BMPR1B: variants seen among roughly 807,000 people sequenced by gnomAD.
BMPR1B encodes bone morphogenetic protein receptor type 1B.
A neutral mutation model predicts 59.1 loss-of-function variants in BMPR1B; 12 were observed. The ratio of observed to expected loss-of-function variants is 0.20; its 90% CI spans 0.13 to 0.33. The LOEUF is 0.33. Ranked by LOEUF, BMPR1B falls within the 10% of genes least tolerant of loss-of-function variation. BMPR1B has a pLI of 1.00. For synonymous variants in BMPR1B, 237 were observed against 207.3 expected, an observed-to-expected ratio of 1.14 and a Z score of -1.23; for missense variants, 550 against 610.9, an observed-to-expected ratio of 0.90 and a Z score of 1.05.
Position 94,996,108 on chromosome 4 carries a change from A to G in BMPR1B, c.-44A>G, listed in dbSNP as rs1393704038. 6.6e-6 allele frequency: 1 copy of G among 152,272 alleles called. No homozygotes were observed. The highest frequency in any genetic ancestry group is 1.5e-5 in the Non-Finnish European group (1 of 68,056). The allele number at this position is 152,272 out of a possible 1,614,324, so 9.4% of individuals were successfully genotyped here. The stretch of plus-strand genomic sequence containing the variant: ...GACAAGAGAGGAAACAAAAAGTTAA[A>G]CAAGCAAGCCTGCCATAAGTGAGAA... On this transcript the variant is annotated 5_prime_UTR_variant, in exon 3 of 13. Transcript: ENST00000515059.
intron 1 of BMPR1B, among the ~76,000 whole-genome samples, chr4:94,812,971 A>G (rs553295490): frequency 1.0e-3 from 151 of 147,430 alleles, no homozygotes; most frequent in African/African-American, 3.7e-3. Context: ...TATTGTGACA[A>G]CATAAGGTGT....
chr4:95,064,615 A>G (rs1398973565), intron 3 of BMPR1B, among the ~76,000 whole-genome samples: 1 of 152,228 alleles, frequency 6.6e-6, no homozygotes, highest in Non-Finnish European at 1.5e-5. Context: ...ATGGAAGAAT[A>G]TATTTGCAAA....
intron 3 of BMPR1B, among the ~76,000 whole-genome samples, chr4:95,038,542 T>C (rs889247329): frequency 1.3e-5 from 2 of 152,166 alleles, no homozygotes; most frequent in Admixed American, 6.5e-5. Flanking sequence ...AAATCCTCTA[T>C]TGAAAAGGCA....
At chr4:95,075,244 CAG>C (rs1035837132) in intron 3 of BMPR1B, among the ~76,000 whole-genome samples, 15 of 152,136 alleles carry the variant, frequency 9.9e-5, no homozygotes, top group Non-Finnish European at 5.9e-5. Context: ...CTGTTCTTCT[CAG>C]AGTCTGTATA....
At chr4:95,074,513 TTTC>T (rs1728556271) in intron 3 of BMPR1B, among the ~76,000 whole-genome samples, 1 of 152,052 alleles carries the variant, frequency 6.6e-6, no homozygotes, top group South Asian at 2.1e-4. Flanking sequence ...CATTTTTAGT[TTTC>T]TTCTTCATTT....
chr4:94,815,988 G>C (rs1388861070), intron 1 of BMPR1B, among the ~76,000 whole-genome samples: 2 of 152,096 alleles, frequency 1.3e-5, no homozygotes, highest in African/African-American at 4.8e-5. Flanking sequence ...ATAGACTGTA[G>C]TCTATGTGAT....
chr4:95,003,086 T>C (rs1420488775), intron 3 of BMPR1B, among the ~76,000 whole-genome samples: 1 of 152,176 alleles, frequency 6.6e-6, no homozygotes, highest in African/African-American at 2.4e-5. Flanking sequence ...TTTTGTTTTA[T>C]GTGTTTTGAA....
At chr4:95,135,524 C>T (rs975388013) in intron 10 of BMPR1B, among the ~76,000 whole-genome samples, 1 of 152,200 alleles carries the variant, frequency 6.6e-6, no homozygotes, top group East Asian at 1.9e-4. Context: ...AGTTTGTGTC[C>T]TCTTTTATTT....
chr4:94,909,654 C>T (rs1728199913), intron 2 of BMPR1B, among the ~76,000 whole-genome samples: 1 of 152,058 alleles, frequency 6.6e-6, no homozygotes, highest in African/African-American at 2.4e-5. Flanking sequence ...CCCTCCTCCT[C>T]CCTCTTCCTG....
At chr4:94,907,233 A>G (rs918268263) in intron 2 of BMPR1B, among the ~76,000 whole-genome samples, 5 of 152,112 alleles carry the variant, frequency 3.3e-5, no homozygotes, top group Admixed American at 6.6e-5. Context: ...ATGAAGAGGC[A>G]TTGACTATAC....
In BMPR1B at chr4:94,807,099, A is replaced by G. The variant is rs1393342517; in HGVS notation, c.-183+49031A>G. On this transcript the variant is annotated intron_variant, in intron 1 of 12. Transcript: ENST00000515059. ...TTTTATTATAAATGCTTGTGTCCCA[A>G]TTATTCTTTTTTAGAGACAGAGTCT... Among the ~76,000 whole-genome samples, 7 of 152,204 alleles carry G rather than the reference A, an allele frequency of 4.6e-5. No homozygotes were observed. The East Asian group carries it at 1.2e-3, about 25-fold the overall frequency.
chr4:94,958,210 C>T (rs143671452), intron 2 of BMPR1B, among the ~76,000 whole-genome samples: 6 of 152,290 alleles, frequency 3.9e-5, no homozygotes, highest in African/African-American at 1.4e-4. Context: ...TACTTCATTT[C>T]TTTCCGTTTC....
At chr4:94,917,599 A>G (rs1477056355) in intron 2 of BMPR1B, among the ~76,000 whole-genome samples, 2 of 152,194 alleles carry the variant, frequency 1.3e-5, no homozygotes, top group African/African-American at 2.4e-5. Context: ...TGTTTACTCA[A>G]TGCCTGTATC....
chr4:94,802,658 CA>C (rs1396752539), intron 1 of BMPR1B, among the ~76,000 whole-genome samples: 2 of 152,010 alleles, frequency 1.3e-5, no homozygotes, highest in African/African-American at 4.8e-5. Flanking sequence ...CATGGGGTCA[CA>C]AAATTCACTT....
At chr4:94,838,077 A>T (rs1413732357) in intron 1 of BMPR1B, among the ~76,000 whole-genome samples, 2 of 144,658 alleles carry the variant, frequency 1.4e-5, no homozygotes, top group East Asian at 3.9e-4. Context: ...ATTTGCGTAT[A>T]TTGAACCAGT....
intron 1 of BMPR1B, among the ~76,000 whole-genome samples, chr4:94,760,695 G>A (rs566855892): frequency 6.6e-6 from 1 of 152,266 alleles, no homozygotes; most frequent in South Asian, 2.1e-4. Flanking sequence ...CTTGCTTGGC[G>A]CTTCCTTGTT....
chr4:94,905,753 A>G (rs896457038), intron 2 of BMPR1B, among the ~76,000 whole-genome samples: 1 of 152,002 alleles, frequency 6.6e-6, no homozygotes, highest in African/African-American at 2.4e-5. Context: ...ACTAGAGGCT[A>G]ACTTTATCAC....
intron 4 of BMPR1B, among the ~76,000 whole-genome samples, chr4:95,114,438 C>T (rs1282681266): frequency 6.6e-6 from 1 of 152,106 alleles, no homozygotes; most frequent in African/African-American, 2.4e-5. Flanking sequence ...TATGGTTTTT[C>T]ATGGTAATTA....
chr4:94,846,865 G>A, intron 1 of BMPR1B, among the ~76,000 whole-genome samples: 1 of 151,610 alleles, frequency 6.6e-6, no homozygotes. Context: ...AAACGTTGGG[G>A]AAACTCTCTA....
Sources: gnomAD v4.1 joint callset for allele counts (sites outside exome capture counted in the v4.1 genomes callset) on GRCh38, gnomAD v4.1.1 for gene constraint, MANE v1.5 for transcripts, NCBI Gene and HGNC (gene_info 2026-07-23, HGNC 2026-07-21) for gene names.